DNAH11: variants seen among roughly 807,000 people sequenced by gnomAD.
The protein encoded by DNAH11 is axonemal beta dynein heavy chain 11.
DNAH11 carries 442 observed loss-of-function variants against 526.0 expected under a neutral mutation model. The ratio of observed to expected loss-of-function variants is 0.84; its 90% CI spans 0.78 to 0.91. DNAH11 has a LOEUF of 0.91. Ranked by LOEUF, DNAH11 falls within the 40% of genes least tolerant of loss-of-function variation. The probability of loss-of-function intolerance (pLI) is 0.00; values close to 1 mark genes in which losing one functional copy is unlikely to be tolerated. For missense variants in DNAH11, 6,989 were observed against 5,448.7 expected, an observed-to-expected ratio of 1.28 and a Z score of -8.90; for synonymous variants, 2,461 against 1,935.9, an observed-to-expected ratio of 1.27 and a Z score of -7.12.
At chr7:21,573,321 T>A (rs1390786275) in intron 8 of DNAH11, among the ~76,000 whole-genome samples, 1 of 152,180 alleles carries the variant, frequency 6.6e-6, no homozygotes, top group Non-Finnish European at 1.5e-5. Flanking sequence ...GTGGGCAGGG[T>A]TTACCTCTGA....
At chr7:21,749,209 TA>T (rs1426781921) in intron 52 of DNAH11, among the ~76,000 whole-genome samples, 1 of 152,224 alleles carries the variant, frequency 6.6e-6, no homozygotes, top group East Asian at 1.9e-4. Flanking sequence ...CTTTGCTTTT[TA>T]ATAACAATAG....
At chr7:21,842,256 T>G (rs926547524) in intron 65 of DNAH11, among the ~76,000 whole-genome samples, 2 of 152,174 alleles carry the variant, frequency 1.3e-5, no homozygotes, top group Non-Finnish European at 2.9e-5. Context: ...AGCTAATATT[T>G]GTTGTTATAG....
At chr7:21,775,309 C>T (rs6954950) in intron 56 of DNAH11, among the ~76,000 whole-genome samples, 2 of 151,856 alleles carry the variant, frequency 1.3e-5, no homozygotes, top group African/African-American at 4.8e-5. Flanking sequence ...GCACCTTCTC[C>T]TTTCCTCTCA....
At chr7:21,701,383 T>A (rs974808191) in intron 36 of DNAH11, among the ~76,000 whole-genome samples, 1 of 151,664 alleles carries the variant, frequency 6.6e-6, no homozygotes, top group African/African-American at 2.4e-5. Context: ...TCGACCTTCC[T>A]GGCTCAAGCG....
At chr7:21,868,113 T>TC in intron 72 of DNAH11, 106 bp downstream of exon 72, 3 of 1,124,952 alleles carry the variant, frequency 2.7e-6, no homozygotes, top group Non-Finnish European at 3.5e-6. Context: ...TCTTTTTTTT[T>TC]TTTTTTTAAT....
intron 63 of DNAH11, among the ~76,000 whole-genome samples, chr7:21,811,482 A>G (rs1217704325): frequency 1.3e-5 from 2 of 151,586 alleles, no homozygotes; most frequent in Non-Finnish European, 2.9e-5. Flanking sequence ...AGCCAAAAGG[A>G]CAAATACTTC....
At chr7:21,703,515 G>C (rs1372639814) in intron 37 of DNAH11, 2 of 152,430 alleles carry the variant, frequency 1.3e-5, no homozygotes, top group African/African-American at 4.8e-5. Flanking sequence ...CAAGGGGCAA[G>C]CACGGACCTT....
intron 6 of DNAH11, among the ~76,000 whole-genome samples, chr7:21,569,219 T>G (rs910271095): frequency 2.6e-5 from 4 of 152,190 alleles, no homozygotes; most frequent in African/African-American, 9.6e-5. Context: ...TTCATTACAT[T>G]ATCCATTGAC....
intron 32 of DNAH11, among the ~76,000 whole-genome samples, chr7:21,686,689 C>G (rs1325944288): frequency 6.6e-6 from 1 of 152,026 alleles, no homozygotes; most frequent in Non-Finnish European, 1.5e-5. Context: ...CAGTTTAATA[C>G]AGCCAATGTT....
At chr7:21,561,309 C>T (rs1783451640) in intron 5 of DNAH11, 139 bp downstream of exon 5, 2 of 662,396 alleles carry the variant, frequency 3.0e-6, no homozygotes, top group Non-Finnish European at 5.2e-6. Flanking sequence ...ATAAATTCAT[C>T]TCACCCTTTG....
Position 21,717,845 on chromosome 7 carries a change from A to G in DNAH11, c.7054A>G (p.Lys2352Glu). ...GGCCAATTTGACTATTCTTTTTGAT[A>G]AATATGTCCCTGCATGCTTGGATAA... Reference protein sequence around the residue: ...EKANLTILFDKYVPACLDKLR... With the variant: ...EKANLTILFDEYVPACLDKLR... The change falls in exon 43 of 82, where the codon AAA becomes GAA. Residue 2352 changes from lysine to glutamate, a missense_variant. By Grantham distance (56) the Lys-to-Glu change is moderately conservative (BLOSUM62 1). Transcript: ENST00000409508. The G allele has an allele frequency of 1.2e-6, 2 of 1,613,890 alleles. No individual in the cohort carries two copies. Among genetic ancestry groups the G allele is most frequent in the Non-Finnish European group, 1.7e-6 (2 of 1,179,810 alleles).
rs1783290891 is a variant in DNAH11, at chr7:21,866,620, CT to C, written c.11649del (p.Leu3884Ter). On this transcript the variant is annotated frameshift_variant, in exon 71 of 82. Coordinates refer to ENST00000409508, the MANE Select transcript of DNAH11 (RefSeq NM_001277115.2). LOFTEE classifies it high-confidence loss of function. ...KKKSLIQKLI[L>X]LRAMRPDRMT... ...GAAAAGTTTAATACAGAAGCTGATTCTTCTGAGAGCAATGCGCCCTGACAGA... is the reference window on the plus strand; with the variant it reads ...GAAAAGTTTAATACAGAAGCTGATTCTCTGAGAGCAATGCGCCCTGACAGA... The C allele has an allele frequency of 6.2e-7, 1 of 1,613,688 alleles. No homozygotes were observed.
Position 21,892,544 on chromosome 7 carries a change from C to T in DNAH11, c.12627C>T (p.Leu4209=). ...LPPESPALYG[L]HPNAEIEFLT... ...CAGAAAGCCCGGCACTGTATGGCCT[C>T]CACCCAAATGCTGAAATAGAATTCC... The change falls in exon 77 of 82, where the codon CTC becomes CTT. Residue 4209 remains leucine (L), a synonymous_variant. Transcript: ENST00000409508. 2.5e-6 allele frequency: 4 copies of T among 1,613,954 alleles called. No homozygotes were observed. The highest frequency in any genetic ancestry group is 3.4e-6 in the Non-Finnish European group (4 of 1,179,884).
chr7:21,894,490 T>C (rs971096332), intron 77 of DNAH11, 133 bp from the exon 78 acceptor site: 1 of 884,576 alleles, frequency 1.1e-6, no homozygotes, highest in East Asian at 2.6e-5. Context: ...GTAGGCATCC[T>C]TCACATGCAT....
At chr7:21,713,286 C>G (rs1784529829) in intron 42 of DNAH11, among the ~76,000 whole-genome samples, 1 of 152,146 alleles carries the variant, frequency 6.6e-6, no homozygotes, top group African/African-American at 2.4e-5. Context: ...CTTCTGTGGT[C>G]TGTATGGACC....
chr7:21,641,729 T>G (rs1787139160), intron 28 of DNAH11, among the ~76,000 whole-genome samples: 1 of 152,216 alleles, frequency 6.6e-6, no homozygotes. Context: ...CAACATGACT[T>G]CGGTATTTTA....
chr7:21,878,442 T>C (rs1031765798), intron 74 of DNAH11, among the ~76,000 whole-genome samples: 1 of 152,246 alleles, frequency 6.6e-6, no homozygotes, highest in East Asian at 1.9e-4. Context: ...TTGATACATA[T>C]ATTGGATCTC....
chr7:21,581,112 G>A (rs917017006), intron 8 of DNAH11, among the ~76,000 whole-genome samples: 4 of 152,196 alleles, frequency 2.6e-5, no homozygotes, highest in Middle Eastern at 3.2e-3. Flanking sequence ...ATAGATTGAG[G>A]CTCAGTTTAC....
At chr7:21,834,098 A>G (rs944909839) in intron 65 of DNAH11, among the ~76,000 whole-genome samples, 3 of 152,210 alleles carry the variant, frequency 2.0e-5, no homozygotes, top group African/African-American at 7.2e-5. Context: ...GACATATGTT[A>G]TGCCACAAAA....
Sources: allele counts gnomAD v4.1 joint callset (sites outside exome capture counted in the v4.1 genomes callset), GRCh38; gene constraint gnomAD v4.1.1; transcripts MANE v1.5; gene names NCBI Gene and HGNC (gene_info 2026-07-23, HGNC 2026-07-21).